GTF3C2: variants seen among roughly 807,000 people sequenced by gnomAD.
GTF3C2 encodes the protein general transcription factor 3C polypeptide 2.
Under a neutral mutation model 117.4 loss-of-function variants are expected in GTF3C2, and 17 were observed. The ratio of observed to expected loss-of-function variants is 0.14; its 90% confidence interval spans 0.10 to 0.22. The LOEUF (loss-of-function observed/expected upper bound fraction) is 0.22. Among genes scored for constraint, GTF3C2 ranks in the 10% least tolerant of loss-of-function variants. The pLI, the probability that GTF3C2 is intolerant of heterozygous loss-of-function variation, is 1.00. For missense variants in GTF3C2, 888 were observed against 1,143.6 expected (o/e 0.78, Z 3.22); for synonymous variants, 437 against 427.0 (o/e 1.02, Z -0.29).
intron 17 of GTF3C2, 31 bp from the exon 18 acceptor site, chr2:27,327,315 AAGTG>A (rs1180765359): frequency 8.7e-7 from 1 of 1,151,164 alleles, no homozygotes; most frequent in Non-Finnish European, 1.3e-6. Context: ...AGGAGAGAGA[AAGTG>A]AGACGCTCGT....
exon 8 of GTF3C2, chr2:27,336,266 C>T: frequency 6.2e-7 from 1 of 1,614,140 alleles, no homozygotes; most frequent in Non-Finnish European, 8.5e-7. Flanking sequence ...GAAGCTGGCT[C>T]AGTGGGTGTG....
At chr2:27,351,178 GAAGA>G (rs1342149555) in intron 1 of GTF3C2, among the ~76,000 whole-genome samples, 1 of 152,112 alleles carries the variant, frequency 6.6e-6, no homozygotes, top group Admixed American at 6.6e-5. Context: ...CTGGGAGGCT[GAAGA>G]GGGCGGATCA....
intron 4 of GTF3C2, 123 bp from the exon 5 acceptor site, chr2:27,338,143 A>T: frequency 1.4e-6 from 1 of 709,752 alleles, no homozygotes; most frequent in Non-Finnish European, 2.6e-6. Flanking sequence ...TCACTGCCCT[A>T]TCAGCATCTT....
chr2:27,335,731 G>A, intron 9 of GTF3C2, 25 bp from the exon 10 acceptor site: 2 of 1,445,684 alleles, frequency 1.4e-6, no homozygotes, highest in Middle Eastern at 1.7e-4. Context: ...GTATGCTGAG[G>A]CTTGCTGCCT....
intron 1 of GTF3C2, among the ~76,000 whole-genome samples, chr2:27,343,942 AACAAGACAG>A (rs1180493073): frequency 6.6e-6 from 1 of 152,190 alleles, no homozygotes; most frequent in Non-Finnish European, 1.5e-5. Flanking sequence ...TATGACAATA[AACAAGACAG>A]ACAAGGTCCC....
At chr2:27,327,965 T>TTTTC (rs1241543306) in intron 17 of GTF3C2, 72 bp downstream of exon 17, 8 of 1,284,234 alleles carry the variant, frequency 6.2e-6, no homozygotes, top group Non-Finnish European at 8.8e-6. Flanking sequence ...GAACTCAGGC[T>TTTTC]TGCGTACTAT....
At chr2:27,336,074 G>T in intron 8 of GTF3C2, 46 bp from the exon 9 acceptor site, 3 of 1,432,600 alleles carry the variant, frequency 2.1e-6, no homozygotes, top group South Asian at 2.3e-5. Flanking sequence ...AAGAAGGGAC[G>T]CAGGGCTGCC....
rs537198420 is a variant in GTF3C2, at chr2:27,348,170, C to G, written c.-24-4592G>C. Among the ~76,000 whole-genome samples, 6 of 151,704 alleles carry G rather than the reference C, an allele frequency of 4.0e-5. No homozygotes were observed. In the East Asian group the frequency reaches 1.2e-3, roughly 30 times the overall value. ...TAATCCCAGCTACTTGGGAGGCTGA[C>G]GCAGGAGAACTGCTTGAACCCGGGA... On this transcript the variant is annotated intron_variant, in intron 1 of 18. Coordinates refer to ENST00000264720, the Ensembl canonical transcript of GTF3C2.
chr2:27,342,164 A>C, exon 4 of GTF3C2: 1 of 1,614,150 alleles, frequency 6.2e-7, no homozygotes, highest in Non-Finnish European at 8.5e-7. Flanking sequence ...TGGGGCCCTC[A>C]GGACAGGACA....
At chr2:27,356,256 G>C (rs1430915174) in intron 1 of GTF3C2, 2 of 440,374 alleles carry the variant, frequency 4.5e-6, no homozygotes, top group South Asian at 1.6e-5. Flanking sequence ...ACAACCCTCG[G>C]GGTTAAAGAG....
intron 10 of GTF3C2, 122 bp from the exon 11 acceptor site, chr2:27,334,121 G>A (rs1680371245): frequency 2.7e-6 from 2 of 737,430 alleles, no homozygotes; most frequent in Admixed American, 3.9e-5. Flanking sequence ...CAACTCCTGG[G>A]CTCAAGCAAT....
At position 27,328,085 on chromosome 2, in the gene GTF3C2, G is replaced by A. The variant is rs913773035; in HGVS notation, c.2361C>T (p.Tyr787=). The change falls in exon 17 of 19, where the codon TAC becomes TAT. Residue 787 remains tyrosine, a synonymous_variant. Coordinates refer to ENST00000264720, the Ensembl canonical transcript of GTF3C2. The stretch of plus-strand genomic sequence containing the variant: ...AGTAGTGATGGTTGACAGTTTCAGT[G>A]TAAGTTCGAGCCTTAGGAGGGTTGG... 5.0e-6 allele frequency: 8 copies of A among 1,611,842 alleles called. No homozygotes were observed. The African/African-American group carries it at 9.4e-5, about 19-fold the overall frequency.
chr2:27,333,106 C>T (rs1192193930), intron 12 of GTF3C2, among the ~76,000 whole-genome samples: 1 of 151,822 alleles, frequency 6.6e-6, no homozygotes, highest in Admixed American at 6.6e-5. Context: ...TCTTGGCCAC[C>T]CAAAGTACTG....
rs944827018 is a variant in GTF3C2 at position 27,338,266 on chromosome 2, T to C, written c.856-246A>G. On this transcript the variant is annotated intron_variant, in intron 4 of 18. Transcript: ENST00000264720. ...CTGTTCAGCTTCCTCAACATCTCCA[T>C]GGTATTTGATTCACAGGATTCCCTT... 13 of 475,104 alleles carry C rather than the reference T, an allele frequency of 2.7e-5. No homozygotes were observed. In the East Asian group the frequency reaches 3.6e-4, roughly 13 times the overall value. 29.4% of individuals were successfully genotyped at this position (475,104 alleles called of 1,614,324 possible). A position where few individuals can be genotyped will look rare whatever the true frequency, so the allele number is the denominator to read the frequency against.
intron 4 of GTF3C2, among the ~76,000 whole-genome samples, chr2:27,338,441 GGCGCGCACGCGCAC>G (rs780354796): frequency 3.5e-4 from 40 of 114,994 alleles, no homozygotes; most frequent in African/African-American, 1.3e-3. Flanking sequence ...CCTCTACACA[GGCGCGCACGCGCAC>G]GCGCGCACAC....
Position 27,328,948 on chromosome 2 carries a change from A to G in GTF3C2, c.2040-17T>C. ...AGTCCATAACTGTTAAAAGAGAAAT[A>G]AATTTAAACCTTCCTTTTCTTTAGA... On this transcript the variant is annotated splice_polypyrimidine_tract_variant and intron_variant, in intron 14 of 18. Coordinates refer to ENST00000264720, the Ensembl canonical transcript of GTF3C2. 6.4e-7 allele frequency: 1 copy of G among 1,554,322 alleles called. No homozygotes were observed. Among genetic ancestry groups the G allele is most frequent in the Non-Finnish European group, 8.9e-7 (1 of 1,128,372 alleles).
chr2:27,327,624 C>A (rs1375897351), intron 17 of GTF3C2, among the ~76,000 whole-genome samples: 1 of 92,594 alleles, frequency 1.1e-5, no homozygotes, highest in Admixed American at 1.0e-4. Flanking sequence ...ACGCCTGGCC[C>A]TTTTTTTTTT....
chr2:27,329,056 T>C lies in GTF3C2; in HGVS notation c.2039+65A>G. On this transcript the variant is annotated intron_variant, in intron 14 of 18. Coordinates refer to ENST00000264720, the Ensembl canonical transcript of GTF3C2. The surrounding 1 kb of genome is among the most constrained non-coding windows in gnomAD (Gnocchi z 4.5). ...CTACCCTCCTCTCCCCACAACAATC[T>C]GGCATGCTTTGCATTCCAACCCTTA... is the stretch of plus-strand genomic sequence containing the variant. 6.4e-7 allele frequency: 1 copy of C among 1,562,340 alleles called. No homozygotes were observed. The highest frequency in any genetic ancestry group is 8.8e-7 in the Non-Finnish European group (1 of 1,133,732).
chr2:27,328,121 T>G, exon 17 of GTF3C2: 1 of 1,609,396 alleles, frequency 6.2e-7, no homozygotes, highest in Non-Finnish European at 8.5e-7. Flanking sequence ...GGACCCCAGA[T>G]GAAGCAGAAG....
Sources: allele counts gnomAD v4.1 joint callset (sites outside exome capture counted in the v4.1 genomes callset), GRCh38; gene constraint gnomAD v4.1.1; non-coding constraint Gnocchi (gnomAD v3.1); transcripts MANE v1.5; gene names NCBI Gene and HGNC (gene_info 2026-07-23, HGNC 2026-07-21).